Variants in HECTD4 observed in about 807,000 individuals in gnomAD.
The protein encoded by HECTD4 is probable E3 ubiquitin-protein ligase HECTD4.
Under a neutral mutation model 471.5 loss-of-function variants are expected in HECTD4, and 114 were observed. The observed-to-expected ratio is 0.24, with a 90% CI of 0.21 to 0.28. The LOEUF (loss-of-function observed/expected upper bound fraction) is 0.28. Ranked by LOEUF, HECTD4 falls within the 10% of genes least tolerant of loss-of-function variation. The pLI, the probability that HECTD4 is intolerant of heterozygous loss-of-function variation, is 1.00. For synonymous variants in HECTD4, 2,012 were observed against 2,256.0 expected (o/e 0.89, Z 3.07); for missense variants, 3,866 against 5,651.5 (o/e 0.68, Z 10.13).
At chr12:112,178,841 A>T in intron 64 of HECTD4, 90 bp downstream of exon 64, 1 of 1,388,184 alleles carries the variant, frequency 7.2e-7, no homozygotes, top group Non-Finnish European at 9.6e-7. Context: ...AGGCTCCTCC[A>T]GAGGAGCTGC....
In HECTD4 at chr12:112,273,695, G is replaced by A; in HGVS notation, c.1902C>T (p.Cys634=). 2 of 1,613,902 alleles carry A rather than the reference G, an allele frequency of 1.2e-6. No individual in the cohort carries two copies. Among genetic ancestry groups the A allele is most frequent in the South Asian group, 1.1e-5 (1 of 91,082 alleles). ...NPGNQAFHYV[C]QRLGVSHIIT... The stretch of plus-strand genomic sequence containing the variant: ...TAATGTGACTGACTCCAAGTCTCTG[G>A]CAGACATAATGGAAGGCTTGATTCC... The change falls in exon 11 of 76, where the codon TGC becomes TGT. Residue 634 remains cysteine, a synonymous_variant. Transcript: ENST00000682272.
At chr12:112,283,789 TG>T (rs1449593609) in intron 7 of HECTD4, among the ~76,000 whole-genome samples, 1 of 152,222 alleles carries the variant, frequency 6.6e-6, no homozygotes, top group Non-Finnish European at 1.5e-5. Flanking sequence ...AGCCAGACTT[TG>T]CTAAAAATAC....
At chr12:112,341,424 GACT>G (rs1248134246) in intron 1 of HECTD4, among the ~76,000 whole-genome samples, 1 of 152,134 alleles carries the variant, frequency 6.6e-6, no homozygotes, top group African/African-American at 2.4e-5. Context: ...TGCACCCAGT[GACT>G]ACTCAATAAA....
intron 6 of HECTD4, among the ~76,000 whole-genome samples, 193 bp downstream of exon 6, chr12:112,308,560 C>T (rs1483355306): frequency 3.3e-5 from 5 of 150,814 alleles, no homozygotes; most frequent in Non-Finnish European, 7.4e-5. Context: ...ACTTAGAGAA[C>T]ACATTCACTC....
rs1360333455 is a variant in HECTD4, at chr12:112,184,337, G to A, written c.10629C>T (p.Thr3543=). ...QESLDISLCS[T]GSLGSLGSLG... ...GGCTGCCCAGGCTGCCCAGGCTGCC[G>A]GTGCTGCACAGGGAAATGTCCAGGC... The change falls in exon 61 of 76, where the codon ACC becomes ACT. Residue 3543 remains threonine, a synonymous_variant. Transcript: ENST00000682272. This position sits in a 1 kb window ranked among gnomAD's most constrained non-coding sequence, Gnocchi z 9.1. 6.8e-6 allele frequency: 11 copies of A among 1,612,876 alleles called. No individual in the cohort carries two copies. Among genetic ancestry groups the A allele is most frequent in the Admixed American group, 5.0e-5 (3 of 59,958 alleles).
At chr12:112,343,982 G>A (rs182173148) in intron 1 of HECTD4, among the ~76,000 whole-genome samples, 2 of 152,162 alleles carry the variant, frequency 1.3e-5, no homozygotes, top group South Asian at 2.1e-4. Flanking sequence ...GAATAGCTCC[G>A]ATGGGTAGCA....
chr12:112,236,894 T>C, intron 35 of HECTD4, 51 bp downstream of exon 35: 1 of 1,470,020 alleles, frequency 6.8e-7, no homozygotes. Flanking sequence ...ACCCCAATCG[T>C]TCAAGAGGAA....
intron 55 of HECTD4, among the ~76,000 whole-genome samples, chr12:112,196,217 A>G (rs1460639265): frequency 1.3e-5 from 2 of 152,204 alleles, no homozygotes; most frequent in Non-Finnish European, 2.9e-5. Flanking sequence ...CCCTAATTAA[A>G]TTTAATGCTG....
chr12:112,367,298 CAAAA>C (rs1007644715), intron 1 of HECTD4, among the ~76,000 whole-genome samples: 7 of 81,754 alleles, frequency 8.6e-5, no homozygotes, highest in African/African-American at 1.9e-4. Context: ...GACTTGGTCT[CAAAA>C]AAAAAAAGAA....
intron 1 of HECTD4, among the ~76,000 whole-genome samples, chr12:112,365,807 T>C (rs2036546605): frequency 1.4e-5 from 2 of 146,454 alleles, no homozygotes; most frequent in South Asian, 4.4e-4. Context: ...GGTCTCCCTG[T>C]GTTGCCCAGG....
intron 8 of HECTD4, 61 bp from the exon 9 acceptor site, chr12:112,279,447 C>A: frequency 7.0e-7 from 1 of 1,419,746 alleles, no homozygotes; most frequent in South Asian, 1.3e-5. Context: ...ATTTGATTAC[C>A]AACACAGATT....
intron 8 of HECTD4, among the ~76,000 whole-genome samples, chr12:112,282,244 G>A (rs868062252): frequency 1.1e-4 from 17 of 152,066 alleles, no homozygotes; most frequent in South Asian, 2.1e-4. Context: ...TTAGCCAGGC[G>A]TGGTAGCGGG....
Position 112,250,324 on chromosome 12 carries a change from C to T in HECTD4, c.3770G>A (p.Ser1257Asn), listed in dbSNP as rs995068154. The T allele has an allele frequency of 6.2e-7, 1 of 1,613,962 alleles. No individual in the cohort carries two copies. The highest frequency in any genetic ancestry group is 8.5e-7 in the Non-Finnish European group (1 of 1,179,860). The change falls in exon 25 of 76, where the codon AGC becomes AAC. Residue 1257 changes from serine (S) to asparagine (N), a missense_variant. Ser to Asn is a conservative substitution (Grantham distance 46). Transcript: ENST00000682272. ...TATGGTCAGAGGCAGTGGAGAGGGG[C>T]TCGGAGTAAGGGCAGGGGAGATCAC... is the stretch of plus-strand genomic sequence containing the variant. ...NGVISPALTP[S>N]PSPLPLTIEE...
At chr12:112,323,295 GTACT>G (rs1401058820) in intron 1 of HECTD4, among the ~76,000 whole-genome samples, 1 of 152,112 alleles carries the variant, frequency 6.6e-6, no homozygotes, top group African/African-American at 2.4e-5. Context: ...TATTGGGTGT[GTACT>G]TTTATAATAA....
At position 112,163,828 on chromosome 12, in the gene HECTD4, T is replaced by C; in HGVS notation, c.12702-91A>G. 8.2e-7 allele frequency: 1 copy of C among 1,219,936 alleles called. No homozygotes were observed. Among genetic ancestry groups the C allele is most frequent in the African/African-American group, 1.6e-5 (1 of 64,348 alleles). 75.6% of individuals were successfully genotyped at this position (1,219,936 alleles called of 1,614,324 possible). A position where few individuals can be genotyped will look rare whatever the true frequency, so the allele number is the denominator to read the frequency against. On this transcript the variant is annotated intron_variant, in intron 73 of 75. Coordinates refer to ENST00000682272, the MANE Select transcript of HECTD4 (RefSeq NM_001388303.1). The surrounding 1 kb of genome is among the most constrained non-coding windows in gnomAD (Gnocchi z 8.2). ...CCACTCAGCTGGAGGTCCCGGATCC[T>C]CTCTTGGGAGAGGCCTGGGGCCCAG...
chr12:112,281,865 A>G (rs2034648312), intron 8 of HECTD4, among the ~76,000 whole-genome samples: 2 of 152,152 alleles, frequency 1.3e-5, no homozygotes, highest in Non-Finnish European at 2.9e-5. Context: ...TTCTAGCTTT[A>G]TCTTTTACTG....
intron 20 of HECTD4, 55 bp downstream of exon 20, chr12:112,258,441 C>T (rs1372630989): frequency 2.3e-6 from 3 of 1,286,662 alleles, no homozygotes; most frequent in Non-Finnish European, 3.2e-6. Flanking sequence ...GAGTACTACG[C>T]TTTCACCCAA....
At chr12:112,219,266 A>G in intron 45 of HECTD4, 120 bp downstream of exon 45, 1 of 586,100 alleles carries the variant, frequency 1.7e-6, no homozygotes, top group Non-Finnish European at 2.9e-6. Context: ...TCACTGCAAA[A>G]GAATGCACCT....
At chr12:112,358,161 G>A (rs1300055810) in intron 1 of HECTD4, among the ~76,000 whole-genome samples, 1 of 152,202 alleles carries the variant, frequency 6.6e-6, no homozygotes, top group East Asian at 1.9e-4. Context: ...CCAACATCAC[G>A]CCACTGCACT....
Sources: allele counts gnomAD v4.1 joint callset (sites outside exome capture counted in the v4.1 genomes callset), GRCh38; gene constraint gnomAD v4.1.1; non-coding constraint Gnocchi (gnomAD v3.1); transcripts MANE v1.5; gene names NCBI Gene and HGNC (gene_info 2026-07-23, HGNC 2026-07-21).